Variants in WWC1 observed in about 807,000 individuals in gnomAD.
WWC1 encodes WW and C2 domain containing 1, also known as protein KIBRA.
A neutral mutation model predicts 138.4 loss-of-function variants in WWC1; 55 were observed. The ratio of observed to expected loss-of-function variants is 0.40; its 90% CI spans 0.32 to 0.50. WWC1 has a LOEUF of 0.50. Among genes scored for constraint, WWC1 ranks in the 20% least tolerant of loss-of-function variants. The pLI, the probability that WWC1 is intolerant of heterozygous loss-of-function variation, is 0.72. For missense variants in WWC1, 1,226 were observed against 1,420.4 expected, an observed-to-expected ratio of 0.86 and a Z score of 2.20; for synonymous variants, 524 against 564.9, an observed-to-expected ratio of 0.93 and a Z score of 1.03.
At chr5:168,456,401 G>C (rs1367329663) in intron 19 of WWC1, among the ~76,000 whole-genome samples, 3 of 152,212 alleles carry the variant, frequency 2.0e-5, no homozygotes, top group Non-Finnish European at 4.4e-5. Context: ...GGGAGGCTGA[G>C]GTGGGCAAAT....
At chr5:168,339,942 T>TCTCTCC (rs1561630750) in intron 1 of WWC1, among the ~76,000 whole-genome samples, 3 of 133,930 alleles carry the variant, frequency 2.2e-5, no homozygotes, top group African/African-American at 9.3e-5. Flanking sequence ...TTTCTCTCTC[T>TCTCTCC]CTCTCCCCCT....
chr5:168,303,969 A>T (rs1770319611), intron 1 of WWC1, among the ~76,000 whole-genome samples: 1 of 152,210 alleles, frequency 6.6e-6, no homozygotes, highest in South Asian at 2.1e-4. Flanking sequence ...TCAGCTTTAC[A>T]TACCTTTGTC....
intron 1 of WWC1, among the ~76,000 whole-genome samples, chr5:168,331,757 A>C (rs1278550885): frequency 6.6e-6 from 1 of 152,150 alleles, no homozygotes; most frequent in Non-Finnish European, 1.5e-5. Context: ...TTATTGAAAA[A>C]CTTTCTTTGA....
At chr5:168,389,245 G>C (rs62384075) in intron 3 of WWC1, among the ~76,000 whole-genome samples, 24,273 of 151,880 alleles carry the variant, frequency 0.16, 2,249 homozygotes, top group South Asian at 0.38. Context: ...TCAGGAGATC[G>C]AGACCATCCC....
chr5:168,307,598 CT>C (rs35535200), intron 1 of WWC1, among the ~76,000 whole-genome samples: 72,276 of 132,340 alleles, frequency 0.55, 19,936 homozygotes, highest in African/African-American at 0.64. Flanking sequence ...TGATTTTACC[CT>C]TTTTTTTTTT....
intron 3 of WWC1, among the ~76,000 whole-genome samples, chr5:168,386,926 A>C (rs2152820475): frequency 6.6e-6 from 1 of 152,340 alleles, no homozygotes; most frequent in East Asian, 1.9e-4. Flanking sequence ...CTGGGATTAC[A>C]GGTGTGAGCC....
chr5:168,446,631 A>G (rs958434063), intron 17 of WWC1, among the ~76,000 whole-genome samples: 12 of 152,234 alleles, frequency 7.9e-5, no homozygotes, highest in Non-Finnish European at 1.8e-4. Context: ...GACGAGCACC[A>G]CAGAAGCCCA....
At chr5:168,403,006 T>TTC (rs1220927332) in intron 5 of WWC1, among the ~76,000 whole-genome samples, 15 of 105,694 alleles carry the variant, frequency 1.4e-4, no homozygotes, top group South Asian at 6.9e-4. Context: ...TGTTGTTTCT[T>TTC]TTTCTTTCTT....
chr5:168,394,496 C>T lies in WWC1; in HGVS notation c.434-3228C>T, dbSNP rs563051207. On this transcript the variant is annotated intron_variant, in intron 3 of 22. Coordinates refer to ENST00000265293, the MANE Select transcript of WWC1 (RefSeq NM_015238.3). ...AATCCCAGCACTTGGGGGGCCGAGG[C>T]GGGTGGACCACTTGAGGTCAGGAGT... 3.9e-4 allele frequency among the ~76,000 whole-genome samples: 59 copies of T among 152,082 alleles called. No individual in the cohort carries two copies. In the South Asian group the frequency reaches 7.7e-3, roughly 20 times the overall value.
chr5:168,435,314 C>A (rs772624775), intron 15 of WWC1, among the ~76,000 whole-genome samples: 6 of 152,206 alleles, frequency 3.9e-5, no homozygotes, highest in Non-Finnish European at 7.3e-5. Context: ...CTCCAGCAGC[C>A]ATTCCGCTCT....
chr5:168,462,064 A>AG lies in WWC1; in HGVS notation c.2916+1322_2916+1323insG, dbSNP rs1396332462. On this transcript the variant is annotated intron_variant, in intron 20 of 22. Transcript: ENST00000265293. ...GAGTGAAACTACATCTCAAAAAAAA[A>AG]AAAGAAAGAAAGAAAAAAGGAGAGA... Among the ~76,000 whole-genome samples the AG allele has an allele frequency of 2.3e-5, 3 of 133,076 alleles. No individual in the cohort carries two copies. The East Asian group carries it at 5.8e-4, about 26-fold the overall frequency. 87.3% of individuals were successfully genotyped at this position (133,076 alleles called of 152,430 possible). A position where few individuals can be genotyped will look rare whatever the true frequency, so the allele number is the denominator to read the frequency against.
At chr5:168,357,448 C>G (rs1775517961) in intron 1 of WWC1, among the ~76,000 whole-genome samples, 3 of 134,472 alleles carry the variant, frequency 2.2e-5, no homozygotes, top group African/African-American at 8.8e-5. Context: ...AACCTGCCTT[C>G]TGTGTGTGTG....
intron 19 of WWC1, among the ~76,000 whole-genome samples, chr5:168,459,877 GC>G (rs1301599756): frequency 6.6e-6 from 1 of 152,084 alleles, no homozygotes; most frequent in Non-Finnish European, 1.5e-5. Flanking sequence ...TCCCCACTCT[GC>G]TCCCACCTCC....
intron 3 of WWC1, among the ~76,000 whole-genome samples, 174 bp from the exon 4 acceptor site, chr5:168,397,550 G>A (rs1007730495): frequency 5.3e-5 from 8 of 151,884 alleles, no homozygotes; most frequent in African/African-American, 1.5e-4. Context: ...TTTAAGTTGC[G>A]TAGTCCCCGT....
At chr5:168,357,968 C>T (rs567146593) in intron 1 of WWC1, among the ~76,000 whole-genome samples, 6 of 152,302 alleles carry the variant, frequency 3.9e-5, no homozygotes, top group South Asian at 2.1e-4. Flanking sequence ...GCAGACAAGG[C>T]GAGCTTCTGG....
chr5:168,359,684 TTG>T (rs1170805038), intron 1 of WWC1, among the ~76,000 whole-genome samples: 1 of 152,208 alleles, frequency 6.6e-6, no homozygotes, highest in East Asian at 1.9e-4. Flanking sequence ...TTAGTTTTTT[TTG>T]TTTTTTCTTT....
chr5:168,446,624 G>A (rs973181378), intron 17 of WWC1, among the ~76,000 whole-genome samples: 5 of 152,178 alleles, frequency 3.3e-5, no homozygotes, highest in African/African-American at 9.7e-5. Flanking sequence ...AGAATGTGAC[G>A]AGCACCACAG....
At chr5:168,312,996 CAG>C (rs1198731268) in intron 1 of WWC1, among the ~76,000 whole-genome samples, 1 of 151,672 alleles carries the variant, frequency 6.6e-6, no homozygotes, top group Non-Finnish European at 1.5e-5. Flanking sequence ...TTAGTGGAGA[CAG>C]GGTTTCGTCA....
intron 20 of WWC1, among the ~76,000 whole-genome samples, chr5:168,461,630 CCT>C (rs1204404178): frequency 6.6e-6 from 1 of 152,180 alleles, no homozygotes; most frequent in East Asian, 1.9e-4. Flanking sequence ...AGGAGCGACC[CCT>C]GATTTGTCTT....
Sources: allele counts gnomAD v4.1 joint callset (sites outside exome capture counted in the v4.1 genomes callset), GRCh38; gene constraint gnomAD v4.1.1; transcripts MANE v1.5; gene names NCBI Gene and HGNC (gene_info 2026-07-23, HGNC 2026-07-21).